XRCC5: variants seen among roughly 807,000 people sequenced by gnomAD.
XRCC5 encodes X-ray repair cross complementing 5.
In XRCC5, 12 loss-of-function variants were observed where a neutral mutation model predicts 95.7. The ratio of observed to expected loss-of-function variants is 0.13; its 90% CI spans 0.08 to 0.20. The LOEUF is 0.20. Among genes scored for constraint, XRCC5 ranks in the 10% least tolerant of loss-of-function variants. The pLI, the probability that XRCC5 is intolerant of heterozygous loss-of-function variation, is 1.00. For synonymous variants in XRCC5, 281 were observed against 290.3 expected (o/e 0.97, Z 0.33); for missense variants, 595 against 873.9 (o/e 0.68, Z 4.02).
chr2:216,123,631 C>T (rs1209619022), intron 6 of XRCC5, among the ~76,000 whole-genome samples: 1 of 152,160 alleles, frequency 6.6e-6, no homozygotes. Context: ...CGTGGCGAAA[C>T]CCCGTCTCTA....
intron 13 of XRCC5, among the ~76,000 whole-genome samples, chr2:216,147,857 G>A (rs1688668386): frequency 6.6e-6 from 1 of 152,206 alleles, no homozygotes; most frequent in Non-Finnish European, 1.5e-5. Context: ...GTCCAGAGCA[G>A]AAGATACTGT....
chr2:216,116,451 G>C (rs1336598500), intron 2 of XRCC5, among the ~76,000 whole-genome samples: 1 of 152,066 alleles, frequency 6.6e-6, no homozygotes, highest in Non-Finnish European at 1.5e-5. Flanking sequence ...TGAAATGAAG[G>C]GTGAGACTTA....
chr2:216,109,379 T>C lies in XRCC5; in HGVS notation c.-58T>C. The C allele has an allele frequency of 6.2e-7, 1 of 1,612,832 alleles. No individual in the cohort carries two copies. Among genetic ancestry groups the C allele is most frequent in the Middle Eastern group, 1.7e-4 (1 of 6,034 alleles). On this transcript the variant is annotated 5_prime_UTR_variant, in exon 1 of 21. Coordinates refer to ENST00000392132, the MANE Select transcript of XRCC5 (RefSeq NM_021141.4). ...TGCCGCTTGTCCACCGGAAGCGAGT[T>C]GCGACACGGCAGGTTCCCGCCCGGA...
At chr2:216,199,499 T>A (rs1375234650) in intron 19 of XRCC5, among the ~76,000 whole-genome samples, 1 of 152,240 alleles carries the variant, frequency 6.6e-6, no homozygotes, top group Non-Finnish European at 1.5e-5. Context: ...TAGGCATAAA[T>A]CATTCTTTAA....
At chr2:216,125,884 T>C in intron 6 of XRCC5, 33 bp from the exon 7 acceptor site, 5 of 1,541,720 alleles carry the variant, frequency 3.2e-6, no homozygotes, top group Middle Eastern at 3.4e-4. Context: ...ATTTAAAAAT[T>C]GTTGCTTTCA....
intron 16 of XRCC5, among the ~76,000 whole-genome samples, chr2:216,180,348 G>A (rs1221561754): frequency 6.6e-6 from 1 of 152,212 alleles, no homozygotes; most frequent in East Asian, 1.9e-4. Flanking sequence ...TGGAGGGGCC[G>A]GGTACAGTGG....
At chr2:216,114,992 C>A (rs951645311) in intron 2 of XRCC5, among the ~76,000 whole-genome samples, 11 of 151,620 alleles carry the variant, frequency 7.3e-5, no homozygotes, top group African/African-American at 2.7e-4. Context: ...GAAAAGATGG[C>A]GCCGGTGGTT....
intron 13 of XRCC5, among the ~76,000 whole-genome samples, chr2:216,142,032 C>T (rs938030753): frequency 6.6e-5 from 10 of 151,568 alleles, no homozygotes; most frequent in Non-Finnish European, 1.2e-4. Flanking sequence ...CCAGCCTGGG[C>T]GGCAGAATGA....
At chr2:216,194,442 CAA>C (rs1454148034) in intron 18 of XRCC5, among the ~76,000 whole-genome samples, 1 of 152,090 alleles carries the variant, frequency 6.6e-6, no homozygotes, top group Non-Finnish European at 1.5e-5. Context: ...TAAAATACGA[CAA>C]GAGCCATTTC....
intron 16 of XRCC5, among the ~76,000 whole-genome samples, chr2:216,180,919 TCTC>T (rs1400077846): frequency 6.6e-6 from 1 of 151,502 alleles, no homozygotes; most frequent in East Asian, 1.9e-4. Context: ...TTCAAACAAT[TCTC>T]CTGTCTCAGC....
chr2:216,156,660 T>C (rs970754620), intron 14 of XRCC5: 4 of 550,454 alleles, frequency 7.3e-6, no homozygotes, highest in East Asian at 9.9e-5. Context: ...ATGCAAGAGC[T>C]TCATAACTCA....
intron 6 of XRCC5, among the ~76,000 whole-genome samples, chr2:216,122,624 A>G (rs1285780318): frequency 1.3e-5 from 2 of 151,850 alleles, no homozygotes; most frequent in Non-Finnish European, 2.9e-5. Context: ...ATTATTAATT[A>G]TAGAAAGTGG....
chr2:216,131,239 G>A, intron 9 of XRCC5: 1 of 985,390 alleles, frequency 1.0e-6, no homozygotes, highest in Non-Finnish European at 1.2e-6. Context: ...AATGGAAGCG[G>A]AGATGAGGGG....
intron 5 of XRCC5, among the ~76,000 whole-genome samples, chr2:216,119,490 A>T (rs770180552): frequency 2.0e-5 from 3 of 152,204 alleles, no homozygotes; most frequent in Non-Finnish European, 4.4e-5. Flanking sequence ...TCCTTCCTGC[A>T]TAGAAGGCTT....
chr2:216,161,147 G>A (rs1435226067), intron 15 of XRCC5, among the ~76,000 whole-genome samples: 1 of 152,136 alleles, frequency 6.6e-6, no homozygotes, highest in Non-Finnish European at 1.5e-5. Context: ...AAAATTGAAT[G>A]TGTGAAAAAT....
chr2:216,118,183 T>C (rs967703794), intron 4 of XRCC5, among the ~76,000 whole-genome samples: 2 of 151,804 alleles, frequency 1.3e-5, no homozygotes, highest in African/African-American at 4.8e-5. Context: ...GTTGTTTTTT[T>C]TTTTTTGAGT....
chr2:216,137,101 C>A lies in XRCC5; in HGVS notation c.1127C>A (p.Ala376Glu). The A allele has an allele frequency of 6.2e-7, 1 of 1,613,136 alleles. No homozygotes were observed. The change falls in exon 11 of 21, where the codon GCA becomes GAA. Residue 376 changes from alanine (A) to glutamate (E), a missense_variant. By Grantham distance (107) the Ala-to-Glu change is moderately radical. This residue lies in a region of XRCC5 where 286 missense variants were observed against 491.1 expected (regional missense o/e 0.58). Coordinates refer to ENST00000392132, the MANE Select transcript of XRCC5 (RefSeq NM_021141.4). ...AARDDEAAAVALSSLIHALDD... is the reference protein window; with the variant it reads ...AARDDEAAAVELSSLIHALDD... ...CTTTCTTACCAGGCAGCTGCAGTTG[C>A]ACTTTCCTCCCTGATTCATGCTTTG...
In XRCC5 at chr2:216,124,268, A is replaced by G. The variant is rs544950869; in HGVS notation, c.684-1649A>G. ...CAGTTGTTCTTAGATTTTTTTTGAGACAGGGTCTAGCTCTGTCATCCAGGC... is the reference window on the plus strand; with the variant it reads ...CAGTTGTTCTTAGATTTTTTTTGAGGCAGGGTCTAGCTCTGTCATCCAGGC... On this transcript the variant is annotated intron_variant, in intron 6 of 20. Coordinates refer to ENST00000392132, the MANE Select transcript of XRCC5 (RefSeq NM_021141.4). 2.0e-3 allele frequency among the ~76,000 whole-genome samples: 302 copies of G among 152,154 alleles called. 2 individuals carry two copies. The highest frequency in any genetic ancestry group is 6.9e-3 in the African/African-American group (286 of 41,496).
intron 20 of XRCC5, 142 bp from the exon 21 acceptor site, chr2:216,205,045 TA>T (rs1689917054): frequency 3.1e-6 from 3 of 977,238 alleles, no homozygotes; most frequent in South Asian, 1.4e-5. Context: ...GTTTAACTCC[TA>T]AAATAATGAG....
Sources: gnomAD v4.1 joint callset for allele counts (sites outside exome capture counted in the v4.1 genomes callset) on GRCh38, gnomAD v4.1.1 for gene constraint, gnomAD v4.1.1 regional missense constraint, MANE v1.5 for transcripts, NCBI Gene and HGNC (gene_info 2026-07-23, HGNC 2026-07-21) for gene names.